PIGG: variants seen among roughly 807,000 people sequenced by gnomAD.
The protein encoded by PIGG is GPI ethanolamine phosphate transferase 2, catalytic subunit.
Under a neutral mutation model 83.2 loss-of-function variants are expected in PIGG, and 70 were observed. The ratio of observed to expected loss-of-function variants is 0.84; its 90% CI spans 0.69 to 1.03. PIGG has a LOEUF of 1.03. PIGG is among the 50% of genes least tolerant of loss of function. The probability of loss-of-function intolerance (pLI) is 0.00; values close to 1 mark genes in which losing one functional copy is unlikely to be tolerated. For synonymous variants in PIGG, 532 were observed against 519.5 expected (o/e 1.02, Z -0.33); for missense variants, 1,257 against 1,233.6 (o/e 1.02, Z -0.28).
In PIGG at chr4:505,750, C is replaced by T. The variant is rs145420533; in HGVS notation, c.393C>T (p.Val131=). The change falls in exon 3 of 13, where the codon GTC becomes GTT. Residue 131 remains valine (V), a synonymous_variant. Transcript: ENST00000453061. ...ALMTGSLPGF[V]DVIRNLNSPA... ...TGACGGGGAGCCTTCCTGGCTTTGTCGACGTCATCAGGAACCTCAATTCTC... is the reference window on the plus strand; with the variant it reads ...TGACGGGGAGCCTTCCTGGCTTTGTTGACGTCATCAGGAACCTCAATTCTC... The T allele has an allele frequency of 5.0e-5, 80 of 1,613,104 alleles. No homozygotes were observed. Among genetic ancestry groups the T allele is most frequent in the Non-Finnish European group, 6.0e-5 (71 of 1,179,850 alleles).
chr4:499,815 C>G (rs1553874569), intron 1 of PIGG: 1 of 999,848 alleles, frequency 1.0e-6, no homozygotes, highest in Non-Finnish European at 1.3e-6. Flanking sequence ...TGGGTCACTC[C>G]CCGTTATAGG....
chr4:519,211 T>TGTGC (rs573280302), intron 6 of PIGG, among the ~76,000 whole-genome samples: 146 of 152,314 alleles, frequency 9.6e-4, no homozygotes, highest in Admixed American at 1.8e-3. Flanking sequence ...ATTACGCTTG[T>TGTGC]GTGCGTGCGT....
intron 2 of PIGG, 97 bp from the exon 3 acceptor site, chr4:505,621 G>T: frequency 2.5e-6 from 2 of 801,348 alleles, no homozygotes; most frequent in East Asian, 2.5e-5. Flanking sequence ...CAACAGAGAG[G>T]GACCCTGTCT....
At chr4:535,269 A>G (rs903176107) in intron 12 of PIGG, among the ~76,000 whole-genome samples, 3 of 151,194 alleles carry the variant, frequency 2.0e-5, no homozygotes, top group African/African-American at 4.9e-5. Flanking sequence ...TGGGAGCTCA[A>G]TGGGGGACAC....
chr4:507,576 A>G lies in PIGG; in HGVS notation c.742A>G (p.Thr248Ala), dbSNP rs782087280. 1.2e-6 allele frequency: 2 copies of G among 1,612,580 alleles called. No individual in the cohort carries two copies. The highest frequency in any genetic ancestry group is 2.2e-5 in the East Asian group (1 of 44,848). The change falls in exon 4 of 13, where the codon ACC becomes GCC. Residue 248 changes from threonine to alanine, a missense_variant. Transcript: ENST00000453061. ...GGACAGCGTGCTGATGAAGATCCAC[A>G]CCTCACTGCAGTCGAAGGTGAGGCT... is the stretch of plus-strand genomic sequence containing the variant. ...EMDSVLMKIH[T>A]SLQSKERETP...
At chr4:522,064 A>T (rs749703958) in intron 8 of PIGG, 123 bp downstream of exon 8, 23 of 1,054,982 alleles carry the variant, frequency 2.2e-5, no homozygotes, top group Non-Finnish European at 3.0e-5. Context: ...ACGTGCTGGC[A>T]GTGCCCTGGA....
chr4:526,875 CT>C, intron 9 of PIGG, 163 bp from the exon 10 acceptor site: 2 of 832,916 alleles, frequency 2.4e-6, no homozygotes, highest in South Asian at 1.8e-5. Flanking sequence ...ATTTGTTACA[CT>C]TTAAGAACCT....
At position 528,260 on chromosome 4, in the gene PIGG, A is replaced by G. The variant is rs966703530; in HGVS notation, c.2261+1030A>G. 3.6e-5 allele frequency: 35 copies of G among 983,386 alleles called. No individual in the cohort carries two copies. Among genetic ancestry groups the G allele is most frequent in the Non-Finnish European group, 4.2e-5 (35 of 828,248 alleles). The allele number at this position is 983,386 out of a possible 1,614,324, so 60.9% of individuals were successfully genotyped here. Reference sequence around the variant, plus strand: ...TTTTCATACTTATATGAAAGACTACATACTTAAAATACTGGTGATTATATT... The same window carrying G: ...TTTTCATACTTATATGAAAGACTACGTACTTAAAATACTGGTGATTATATT... On this transcript the variant is annotated intron_variant, in intron 10 of 12. Transcript: ENST00000453061. This position sits in a 1 kb window ranked among gnomAD's most constrained non-coding sequence, Gnocchi z 4.8.
chr4:530,654 T>A lies in PIGG; in HGVS notation c.2480T>A (p.Met827Lys). The A allele has an allele frequency of 6.2e-7, 1 of 1,613,436 alleles. No individual in the cohort carries two copies. Among genetic ancestry groups the A allele is most frequent in the South Asian group, 1.1e-5 (1 of 91,058 alleles). ...TTTAGCCTCTTGATTCAGACTCTAA[T>A]GACTAAATTCATCTGGAAGCCCCTG... ...LAFSLLIQTL[M>K]TKFIWKPLRH... The change falls in exon 11 of 13, where the codon ATG becomes AAG. Residue 827 changes from methionine to lysine, a missense_variant. Transcript: ENST00000453061.
chr4:529,391 A>G (rs1355417436), intron 10 of PIGG, among the ~76,000 whole-genome samples: 1 of 152,198 alleles, frequency 6.6e-6, no homozygotes, highest in Non-Finnish European at 1.5e-5. Context: ...CCCTCCTGGC[A>G]GCCACACTGC....
rs141471957 is a variant in PIGG at position 518,246 on chromosome 4, A to G, written c.1114+2061A>G. 6.6e-5 allele frequency among the ~76,000 whole-genome samples: 10 copies of G among 152,352 alleles called. No homozygotes were observed. In the East Asian group the frequency reaches 1.5e-3, roughly 24 times the overall value. On this transcript the variant is annotated intron_variant, in intron 6 of 12. Coordinates refer to ENST00000453061, the MANE Select transcript of PIGG (RefSeq NM_001127178.3). Reference sequence around the variant, plus strand: ...ATAGTATGAGTTTGGTAGCTTTTGCATATTGCTTGTTTTGTTACTGTGTCC... The same window carrying G: ...ATAGTATGAGTTTGGTAGCTTTTGCGTATTGCTTGTTTTGTTACTGTGTCC...
chr4:516,770 C>T (rs1236591909), intron 6 of PIGG, among the ~76,000 whole-genome samples: 3 of 149,160 alleles, frequency 2.0e-5, no homozygotes, highest in Admixed American at 6.8e-5. Flanking sequence ...GCAGGAGAAT[C>T]GCTTGAACCC....
At chr4:507,228 C>T (rs183359100) in intron 3 of PIGG, among the ~76,000 whole-genome samples, 177 bp from the exon 4 acceptor site, 3 of 152,340 alleles carry the variant, frequency 2.0e-5, no homozygotes, top group Non-Finnish European at 2.9e-5. Flanking sequence ...GCATGAGCTG[C>T]TGTGTCCAGC....
At position 521,667 on chromosome 4, in the gene PIGG, C is replaced by T. The variant is rs199655244; in HGVS notation, c.1340C>T (p.Thr447Ile). The change falls in exon 8 of 13, where the codon ACC becomes ATC. Residue 447 changes from threonine (T) to isoleucine (I), a missense_variant. Thr to Ile is a moderately conservative substitution (Grantham distance 89, BLOSUM62 -1). Transcript: ENST00000453061. ...GCTGTTTCTCTGTTCCAGGTTCTCA[C>T]CCTGCTCCTGCTCAGCGTCCCACAG... ...VGTVVVLEVL[T>I]LLLLSVPQAL... The T allele has an allele frequency of 8.0e-5, 129 of 1,613,872 alleles. No homozygotes were observed. Among genetic ancestry groups the T allele is most frequent in the Non-Finnish European group, 1.0e-4 (121 of 1,179,754 alleles).
Position 523,484 on chromosome 4 carries a change from GGTCA to G in PIGG, c.1642_1645del (p.Glu549Ter). On this transcript the variant is annotated frameshift_variant, in exon 9 of 13. Coordinates refer to ENST00000453061, the MANE Select transcript of PIGG (RefSeq NM_001127178.3). LOFTEE classifies it high-confidence loss of function. The stretch of plus-strand genomic sequence containing the variant: ...AACCCCATGCATCCCAGCTCAAGGT[GGTCA>G]GAGCTAGACCTTCTTATTCTGTTGG... 1 of 1,611,702 alleles carries G rather than the reference GGTCA, an allele frequency of 6.2e-7. No homozygotes were observed. Among genetic ancestry groups the G allele is most frequent in the East Asian group, 2.2e-5 (1 of 44,792 alleles).
chr4:539,730 C>A lies in PIGG; in HGVS notation c.*361C>A, dbSNP rs779188246. 5.5e-6 allele frequency: 1 copy of A among 182,182 alleles called. No homozygotes were observed. The highest frequency in any genetic ancestry group is 1.1e-5 in the Non-Finnish European group (1 of 87,670). The allele number at this position is 182,182 out of a possible 1,614,324, so 11.3% of individuals were successfully genotyped here. Reference sequence around the variant, plus strand: ...TAGGGAGCACAGAGCTCTTAGAATCCTACAAACCACTGAGGGCCCCAAGGC... The same window carrying A: ...TAGGGAGCACAGAGCTCTTAGAATCATACAAACCACTGAGGGCCCCAAGGC... On this transcript the variant is annotated 3_prime_UTR_variant, in exon 13 of 13. Coordinates refer to ENST00000453061, the MANE Select transcript of PIGG (RefSeq NM_001127178.3).
Position 523,596 on chromosome 4 carries a change from C to T in PIGG, c.1752C>T (p.Thr584=), listed in dbSNP as rs1283102130. Residue 584 remains threonine, a synonymous_variant, in exon 9 of 13, where the codon ACC becomes ACT. Transcript: ENST00000453061. ...EHQTWYFLVN[T]LCLALSQETY... Reference sequence around the variant, plus strand: ...AGACCTGGTACTTCCTTGTGAACACCCTGTGTCTAGCTCTGAGCCAAGAAA... The same window carrying T: ...AGACCTGGTACTTCCTTGTGAACACTCTGTGTCTAGCTCTGAGCCAAGAAA... The T allele has an allele frequency of 5.0e-6, 8 of 1,614,138 alleles. No homozygotes were observed. The highest frequency in any genetic ancestry group is 6.8e-6 in the Non-Finnish European group (8 of 1,180,028).
At chr4:520,655 T>C (rs1310086900) in intron 6 of PIGG, among the ~76,000 whole-genome samples, 1 of 152,228 alleles carries the variant, frequency 6.6e-6, no homozygotes, top group Non-Finnish European at 1.5e-5. Flanking sequence ...AAAACCTGAC[T>C]GTTGACATAA....
chr4:524,444 CTG>C, intron 9 of PIGG: 1 of 152,908 alleles, frequency 6.5e-6, no homozygotes, highest in East Asian at 1.9e-4. Flanking sequence ...CCTCAGGAAA[CTG>C]GCGGTCATGG....
Sources: allele counts gnomAD v4.1 joint callset (sites outside exome capture counted in the v4.1 genomes callset), GRCh38; gene constraint gnomAD v4.1.1; non-coding constraint Gnocchi (gnomAD v3.1); transcripts MANE v1.5; gene names NCBI Gene and HGNC (gene_info 2026-07-23, HGNC 2026-07-21).